The following SHANK2 variants were observed in gnomAD, a reference collection of about 807,000 sequenced individuals.
SHANK2 encodes SH3 and multiple ankyrin repeat domains 2.
SHANK2 carries 43 observed loss-of-function variants against 133.7 expected under a neutral mutation model. That is an observed-to-expected ratio of 0.32 (90% CI 0.25 to 0.41). SHANK2 has a LOEUF of 0.41. SHANK2 is among the 10% of genes least tolerant of loss of function. The probability of loss-of-function intolerance (pLI) is 1.00; values close to 1 mark genes in which losing one functional copy is unlikely to be tolerated. For missense variants in SHANK2, 1,994 were observed against 2,235.8 expected, an observed-to-expected ratio of 0.89 and a Z score of 2.18; for synonymous variants, 1,017 against 952.8, an observed-to-expected ratio of 1.07 and a Z score of -1.24.
At chr11:70,763,490 C>T (rs1947038593) in intron 14 of SHANK2, among the ~76,000 whole-genome samples, 1 of 152,104 alleles carries the variant, frequency 6.6e-6, no homozygotes, top group African/African-American at 2.4e-5. Context: ...TCTCATGACT[C>T]CCATGCCCTT....
intron 9 of SHANK2, among the ~76,000 whole-genome samples, chr11:71,065,029 C>T (rs1157707405): frequency 1.3e-5 from 2 of 152,064 alleles, no homozygotes; most frequent in East Asian, 1.9e-4. Flanking sequence ...GTAACAGGAG[C>T]GTGCAGTGCA....
intron 14 of SHANK2, among the ~76,000 whole-genome samples, chr11:70,751,257 G>A (rs528982812): frequency 2.0e-5 from 3 of 152,174 alleles, no homozygotes; most frequent in East Asian, 1.9e-4. Flanking sequence ...GACTAAAAAC[G>A]AAAAAATATA....
At chr11:70,591,942 C>T (rs762803597) in intron 17 of SHANK2, among the ~76,000 whole-genome samples, 46 of 151,740 alleles carry the variant, frequency 3.0e-4, no homozygotes, top group Admixed American at 5.3e-4. Flanking sequence ...CCGCTGAAAC[C>T]GGGAGGCCGA....
At chr11:70,801,536 T>C (rs2135239920) in intron 13 of SHANK2, among the ~76,000 whole-genome samples, 1 of 152,254 alleles carries the variant, frequency 6.6e-6, no homozygotes, top group Non-Finnish European at 1.5e-5. Context: ...GTTCCTCATA[T>C]GGTGAGGAAG....
Position 70,605,317 on chromosome 11 carries a change from C to T in SHANK2, c.2061+54511G>A, listed in dbSNP as rs552733257. On this transcript the variant is annotated intron_variant, in intron 17 of 25. Transcript: ENST00000601538. ...AAGTGAAGCCTCCTGCAGCCCAGCC[C>T]GGAGACAGCCTGGCTGGCCACGCCC... 1.8e-4 allele frequency among the ~76,000 whole-genome samples: 27 copies of T among 152,356 alleles called. No individual in the cohort carries two copies. In the East Asian group the frequency reaches 4.6e-3, roughly 26 times the overall value.
At chr11:70,911,207 T>G (rs1439793922) in intron 10 of SHANK2, 4 of 456,240 alleles carry the variant, frequency 8.8e-6, no homozygotes, top group East Asian at 6.9e-5. Flanking sequence ...GATGAGTTTT[T>G]TTGTTGTTGT....
chr11:70,716,260 G>T (rs1216805684), intron 14 of SHANK2, among the ~76,000 whole-genome samples: 3 of 152,080 alleles, frequency 2.0e-5, no homozygotes, highest in African/African-American at 7.2e-5. Context: ...ACTGCTCCCG[G>T]CCAGGCTTTG....
chr11:70,699,713 T>A (rs1410854522), intron 14 of SHANK2, among the ~76,000 whole-genome samples: 1 of 152,250 alleles, frequency 6.6e-6, no homozygotes, highest in Non-Finnish European at 1.5e-5. Flanking sequence ...ACACCTTTCA[T>A]GTGCCCAGAG....
At position 70,609,645 on chromosome 11, in the gene SHANK2, T is replaced by A. The variant is rs1302999067; in HGVS notation, c.2061+50183A>T. Among the ~76,000 whole-genome samples, 11 of 152,094 alleles carry A rather than the reference T, an allele frequency of 7.2e-5. No homozygotes were observed. In the East Asian group the frequency reaches 2.1e-3, roughly 29 times the overall value. On this transcript the variant is annotated intron_variant, in intron 17 of 25. Coordinates refer to ENST00000601538, the MANE Select transcript of SHANK2 (RefSeq NM_012309.5). The stretch of plus-strand genomic sequence containing the variant: ...TAGAATGGAATAGATACATAATATA[T>A]CTATATTGTATATTGTATATACTGT...
At chr11:70,717,313 G>A (rs1945956794) in intron 14 of SHANK2, among the ~76,000 whole-genome samples, 1 of 152,184 alleles carries the variant, frequency 6.6e-6, no homozygotes. Flanking sequence ...ACTAGGAAGA[G>A]ATGTATGAAT....
intron 17 of SHANK2, among the ~76,000 whole-genome samples, chr11:70,560,633 C>T (rs1274090111): frequency 3.3e-5 from 5 of 150,656 alleles, no homozygotes; most frequent in South Asian, 4.2e-4. Flanking sequence ...GACTTTTTTT[C>T]GTTTGTTTTT....
At chr11:71,103,347 T>C (rs1398945965) in intron 6 of SHANK2, among the ~76,000 whole-genome samples, 2 of 152,124 alleles carry the variant, frequency 1.3e-5, no homozygotes, top group South Asian at 2.1e-4. Context: ...TTGTTACTGG[T>C]AGGGTGGGTA....
At chr11:70,599,068 G>A (rs1394730322) in intron 17 of SHANK2, among the ~76,000 whole-genome samples, 3 of 150,356 alleles carry the variant, frequency 2.0e-5, no homozygotes, top group African/African-American at 4.9e-5. Flanking sequence ...GAGAAAAAAA[G>A]AGAAAGGAAG....
chr11:70,586,297 G>A (rs1238761240), intron 17 of SHANK2, among the ~76,000 whole-genome samples: 1 of 152,158 alleles, frequency 6.6e-6, no homozygotes, highest in Admixed American at 6.5e-5. Flanking sequence ...ATGGGAATGG[G>A]GTGCCTCCTC....
At chr11:70,706,905 G>T (rs1249518686) in intron 14 of SHANK2, among the ~76,000 whole-genome samples, 4 of 152,180 alleles carry the variant, frequency 2.6e-5, no homozygotes, top group Non-Finnish European at 5.9e-5. Context: ...AGCTTGGCAA[G>T]GAAGCCAAGA....
chr11:70,892,117 C>T (rs904439902), intron 11 of SHANK2, among the ~76,000 whole-genome samples: 12 of 152,312 alleles, frequency 7.9e-5, no homozygotes, highest in African/African-American at 2.9e-4. Flanking sequence ...CCAGGCAGCA[C>T]CGTCACACCG....
At chr11:71,220,909 C>T (rs1391225427) in intron 2 of SHANK2, among the ~76,000 whole-genome samples, 6 of 152,120 alleles carry the variant, frequency 3.9e-5, no homozygotes, top group East Asian at 1.9e-4. Flanking sequence ...CTTTAAAAAT[C>T]GTGAAGATGG....
intron 17 of SHANK2, among the ~76,000 whole-genome samples, chr11:70,568,737 C>T (rs1048609724): frequency 6.0e-5 from 9 of 150,652 alleles, no homozygotes; most frequent in Admixed American, 5.3e-4. Context: ...AGGCATGGTC[C>T]GTCTGGAAGA....
chr11:70,801,101 C>G (rs115480473), intron 13 of SHANK2, among the ~76,000 whole-genome samples: 3 of 152,164 alleles, frequency 2.0e-5, no homozygotes, highest in African/African-American at 7.2e-5. Context: ...ATCGGAGGCA[C>G]GTGAGCCCAG....
Sources: gnomAD v4.1 joint callset for allele counts (sites outside exome capture counted in the v4.1 genomes callset) on GRCh38, gnomAD v4.1.1 for gene constraint, MANE v1.5 for transcripts, NCBI Gene and HGNC (gene_info 2026-07-23, HGNC 2026-07-21) for gene names.